FGGY: variants seen among roughly 807,000 people sequenced by gnomAD.
FGGY encodes FGGY carbohydrate kinase domain-containing protein.
In FGGY, 72 loss-of-function variants were observed where a neutral mutation model predicts 71.3. That is an observed-to-expected ratio of 1.01 (90% CI 0.84 to 1.23). The LOEUF (loss-of-function observed/expected upper bound fraction) is 1.23, where lower values mean the gene tolerates loss of function less well. Ranked by LOEUF, FGGY falls within the 50% of genes most tolerant of loss-of-function variation. The pLI is 0.00. For synonymous variants in FGGY, 251 were observed against 250.3 expected (o/e 1.00, Z -0.02); for missense variants, 668 against 682.3 (o/e 0.98, Z 0.23).
chr1:59,661,321 C>T (rs2097271842), intron 12 of FGGY, among the ~76,000 whole-genome samples: 1 of 152,134 alleles, frequency 6.6e-6, no homozygotes, highest in South Asian at 2.1e-4. Flanking sequence ...AGAATGGAAC[C>T]TCCCAGATAG....
At chr1:59,657,476 A>G (rs1039016735) in intron 11 of FGGY, among the ~76,000 whole-genome samples, 1 of 152,208 alleles carries the variant, frequency 6.6e-6, no homozygotes, top group African/African-American at 2.4e-5. Flanking sequence ...CCGTGTGTGA[A>G]TGGTGTTCAT....
At chr1:59,759,038 T>G (rs952632516) in intron 15 of FGGY, among the ~76,000 whole-genome samples, 2 of 152,142 alleles carry the variant, frequency 1.3e-5, no homozygotes, top group Non-Finnish European at 2.9e-5. Flanking sequence ...AGGCTAGAGA[T>G]GTAAAAGACC....
chr1:59,409,326 C>G (rs2063231642), intron 5 of FGGY, among the ~76,000 whole-genome samples: 1 of 152,132 alleles, frequency 6.6e-6, no homozygotes, highest in South Asian at 2.1e-4. Flanking sequence ...TTTATTTCCT[C>G]TGCGAGAGGC....
At chr1:59,625,916 T>C in intron 9 of FGGY, 72 bp from the exon 10 acceptor site, 1 of 1,168,260 alleles carries the variant, frequency 8.6e-7, no homozygotes, top group Non-Finnish European at 1.2e-6. Flanking sequence ...ATACTCATTT[T>C]AATATAAATT....
intron 5 of FGGY, among the ~76,000 whole-genome samples, chr1:59,400,450 A>G (rs2061807965): frequency 6.6e-6 from 1 of 152,206 alleles, no homozygotes; most frequent in Non-Finnish European, 1.5e-5. Context: ...CTTTGAGGAA[A>G]TATCCTCTTA....
chr1:59,637,449 A>G (rs1378908895), intron 10 of FGGY, among the ~76,000 whole-genome samples: 2 of 152,108 alleles, frequency 1.3e-5, no homozygotes, highest in Non-Finnish European at 2.9e-5. Flanking sequence ...CCTGGCTAAC[A>G]TGGTGAAACC....
Position 59,607,842 on chromosome 1 carries a change from C to T in FGGY, c.943C>T (p.Pro315Ser), listed in dbSNP as rs1348366009. The change falls in exon 9 of 16, where the codon CCT (proline) becomes TCT (serine). Residue 315 changes from proline (P) to serine (S), a missense_variant. By Grantham distance (74) the Pro-to-Ser change is moderately conservative. Coordinates refer to ENST00000303721, the MANE Select transcript of FGGY (RefSeq NM_018291.5). ...GATTTTTGTACCAGGCGTCTGGGGGCCTTATTTCTCAGCCATGGTACCTGG... is the reference window on the plus strand; with the variant it reads ...GATTTTTGTACCAGGCGTCTGGGGGTCTTATTTCTCAGCCATGGTACCTGG... ...DPIFVPGVWGPYFSAMVPGFW... is the reference protein window; with the variant it reads ...DPIFVPGVWGSYFSAMVPGFW... The T allele has an allele frequency of 1.2e-6, 2 of 1,613,878 alleles. No homozygotes were observed. The highest frequency in any genetic ancestry group is 1.7e-6 in the Non-Finnish European group (2 of 1,179,944).
intron 5 of FGGY, among the ~76,000 whole-genome samples, chr1:59,431,165 C>T (rs776996212): frequency 9.2e-5 from 14 of 152,128 alleles, no homozygotes; most frequent in Non-Finnish European, 1.6e-4. Context: ...CTTTTCTCTA[C>T]CCCCACCAAA....
intron 6 of FGGY, among the ~76,000 whole-genome samples, chr1:59,467,199 T>C (rs1458040019): frequency 1.3e-5 from 2 of 152,068 alleles, no homozygotes; most frequent in African/African-American, 4.8e-5. Context: ...ATGTCTTTTG[T>C]AGGGACATGG....
chr1:59,506,949 G>A (rs956999815), intron 6 of FGGY, among the ~76,000 whole-genome samples: 1 of 152,066 alleles, frequency 6.6e-6, no homozygotes, highest in African/African-American at 2.4e-5. Context: ...TTTACAAATA[G>A]TTCATCTACT....
intron 8 of FGGY, among the ~76,000 whole-genome samples, chr1:59,582,425 C>A (rs2096211328): frequency 6.7e-6 from 1 of 149,920 alleles, no homozygotes; most frequent in Non-Finnish European, 1.5e-5. Context: ...GTCTGATTAT[C>A]CCCTGCATGG....
chr1:59,304,945 T>C (rs1236352331), intron 1 of FGGY, among the ~76,000 whole-genome samples: 1 of 152,138 alleles, frequency 6.6e-6, no homozygotes, highest in Non-Finnish European at 1.5e-5. Context: ...AATTTATTAG[T>C]TCTAACAGTT....
chr1:59,346,343 T>TC lies in FGGY; in HGVS notation c.411dup (p.Gly138ArgfsTer27). 1 of 1,611,944 alleles carries TC rather than the reference T, an allele frequency of 6.2e-7. No homozygotes were observed. Among genetic ancestry groups the TC allele is most frequent in the Non-Finnish European group, 8.5e-7 (1 of 1,179,660 alleles). Reference sequence around the variant, plus strand: ...ACCAAGCACAGTGTCCTCCAGTACGTCGGGGGGGTGATGTCTGTGGAAATG... The same window carrying TC: ...ACCAAGCACAGTGTCCTCCAGTACGTCCGGGGGGGTGATGTCTGTGGAAATG... On this transcript the variant is annotated frameshift_variant, in exon 4 of 16. Coordinates refer to ENST00000303721, the MANE Select transcript of FGGY (RefSeq NM_018291.5). LOFTEE classifies it high-confidence loss of function.
At chr1:59,529,840 A>G (rs2095092463) in intron 7 of FGGY, among the ~76,000 whole-genome samples, 1 of 152,228 alleles carries the variant, frequency 6.6e-6, no homozygotes, top group Non-Finnish European at 1.5e-5. Context: ...GCTTGAAAAG[A>G]AGATAGGGAG....
At chr1:59,699,438 G>T (rs1009828100) in intron 14 of FGGY, 105 of 980,324 alleles carry the variant, frequency 1.1e-4, no homozygotes, top group Non-Finnish European at 1.3e-4. Flanking sequence ...ACACCTAGGG[G>T]CTGTAGAGAA....
chr1:59,445,180 C>T (rs945041492), intron 5 of FGGY, among the ~76,000 whole-genome samples: 3 of 152,116 alleles, frequency 2.0e-5, no homozygotes, highest in Non-Finnish European at 2.9e-5. Context: ...CTCTTTTGCT[C>T]CTTTTCTTCA....
At chr1:59,667,457 C>A in intron 13 of FGGY, 54 bp downstream of exon 13, 1 of 1,600,506 alleles carries the variant, frequency 6.2e-7, no homozygotes, top group Non-Finnish European at 8.5e-7. Context: ...AGCAAATGGG[C>A]ATGGCCAAGT....
At chr1:59,394,957 T>C (rs1317479228) in intron 5 of FGGY, among the ~76,000 whole-genome samples, 1 of 151,932 alleles carries the variant, frequency 6.6e-6, no homozygotes, top group African/African-American at 2.4e-5. Flanking sequence ...TACTGTTTCC[T>C]CCCCGCAGAG....
At chr1:59,637,981 A>G (rs2096978571) in intron 10 of FGGY, among the ~76,000 whole-genome samples, 1 of 152,178 alleles carries the variant, frequency 6.6e-6, no homozygotes, top group Non-Finnish European at 1.5e-5. Context: ...TCTCATGGCC[A>G]TACATCTACT....
Sources: gnomAD v4.1 joint callset for allele counts (sites outside exome capture counted in the v4.1 genomes callset) on GRCh38, gnomAD v4.1.1 for gene constraint, MANE v1.5 for transcripts, NCBI Gene and HGNC (gene_info 2026-07-23, HGNC 2026-07-21) for gene names.